Variants in CRAMP1 observed in about 807,000 individuals in gnomAD.
CRAMP1 encodes the protein cramped chromatin regulator 1, also known as protein cramped-like.
Under a neutral mutation model 115.4 loss-of-function variants are expected in CRAMP1, and 50 were observed. The observed-to-expected ratio is 0.43, with a 90% CI of 0.35 to 0.55. The LOEUF (loss-of-function observed/expected upper bound fraction) is 0.55. Among genes scored for constraint, CRAMP1 ranks in the 20% least tolerant of loss-of-function variants. The pLI is 0.01. For synonymous variants in CRAMP1, 866 were observed against 745.4 expected (o/e 1.16, Z -2.64); for missense variants, 1,679 against 1,721.7 (o/e 0.98, Z 0.44).
chr16:1,613,105 C>T (rs948052043), intron 1 of CRAMP1, among the ~76,000 whole-genome samples: 1 of 152,108 alleles, frequency 6.6e-6, no homozygotes, highest in African/African-American at 2.4e-5. Context: ...GCGGGGTTCT[C>T]AGCCCGAGAC....
Position 1,676,127 on chromosome 16 carries a change from T to A in CRAMP1, c.*2082T>A, listed in dbSNP as rs1377101518. On this transcript the variant is annotated 3_prime_UTR_variant, in exon 21 of 21. Coordinates refer to ENST00000397412, the MANE Select transcript of CRAMP1 (RefSeq NM_020825.4). Reference sequence around the variant, plus strand: ...GGGACAGGAGGGTTTGTGAACTGCCTGTCAGGGTACCTGTTAGCCCCTGAC... The same window carrying A: ...GGGACAGGAGGGTTTGTGAACTGCCAGTCAGGGTACCTGTTAGCCCCTGAC... The A allele has an allele frequency of 6.6e-6, 1 of 152,336 alleles. No individual in the cohort carries two copies. Among genetic ancestry groups the A allele is most frequent in the Non-Finnish European group, 1.5e-5 (1 of 68,098 alleles). 9.4% of individuals were successfully genotyped at this position (152,336 alleles called of 1,614,324 possible). A position where few individuals can be genotyped will look rare whatever the true frequency, so the allele number is the denominator to read the frequency against.
rs898340493 is a variant in CRAMP1 at position 1,674,852 on chromosome 16, C to T, written c.*807C>T. 1 of 152,228 alleles carries T rather than the reference C, an allele frequency of 6.6e-6. No individual in the cohort carries two copies. The highest frequency in any genetic ancestry group is 1.5e-5 in the Non-Finnish European group (1 of 68,042). The allele number at this position is 152,228 out of a possible 1,614,324, so 9.4% of individuals were successfully genotyped here. On this transcript the variant is annotated 3_prime_UTR_variant, in exon 21 of 21. Transcript: ENST00000397412. ...TTTCCTTCCTGTGTCCCTTTGCAAGCTTCCAGGCGATCTAAGGTGTCATTT... is the reference window on the plus strand; with the variant it reads ...TTTCCTTCCTGTGTCCCTTTGCAAGTTTCCAGGCGATCTAAGGTGTCATTT...
intron 6 of CRAMP1, among the ~76,000 whole-genome samples, chr16:1,648,030 A>G (rs2036691533): frequency 6.6e-6 from 1 of 152,186 alleles, no homozygotes; most frequent in Admixed American, 6.5e-5. Context: ...AGTCGGTCGC[A>G]GAACTTCCAT....
At chr16:1,624,212 G>A (rs1221891093) in intron 2 of CRAMP1, among the ~76,000 whole-genome samples, 1 of 151,686 alleles carries the variant, frequency 6.6e-6, no homozygotes, top group Non-Finnish European at 1.5e-5. Flanking sequence ...GTGTGCAATG[G>A]CACGATCTCT....
rs1378307245 is a variant in CRAMP1 at position 1,665,311 on chromosome 16, GGCGAGGCAGCTAGTCCA to G, written c.2752+191_2752+207del. 3.9e-5 allele frequency among the ~76,000 whole-genome samples: 6 copies of G among 152,178 alleles called. No homozygotes were observed. The East Asian group carries it at 7.7e-4, about 20-fold the overall frequency. On this transcript the variant is annotated intron_variant, in intron 14 of 20. Coordinates refer to ENST00000397412, the MANE Select transcript of CRAMP1 (RefSeq NM_020825.4). Reference sequence around the variant, plus strand: ...TGCTGGGCTGCAGGCTGCGGTGGCGGGCGAGGCAGCTAGTCCAGCGAGGCAGCTAGTCCAAAGGGTGC... The same window carrying G: ...TGCTGGGCTGCAGGCTGCGGTGGCGGGCGAGGCAGCTAGTCCAAAGGGTGC...
At chr16:1,613,811 C>G (rs1321010748) in intron 1 of CRAMP1, among the ~76,000 whole-genome samples, 2 of 152,202 alleles carry the variant, frequency 1.3e-5, no homozygotes, top group Non-Finnish European at 2.9e-5. Context: ...CCAACCTGTT[C>G]CATGCAACAG....
At chr16:1,665,003 G>T in intron 13 of CRAMP1, 54 bp from the exon 14 acceptor site, 1 of 1,245,810 alleles carries the variant, frequency 8.0e-7, no homozygotes, top group African/African-American at 1.5e-5. Flanking sequence ...AACTGGGAGT[G>T]ATTTTTTGGT....
intron 1 of CRAMP1, among the ~76,000 whole-genome samples, chr16:1,613,861 C>T (rs2036388401): frequency 6.6e-6 from 1 of 152,186 alleles, no homozygotes; most frequent in East Asian, 1.9e-4. Flanking sequence ...AGTAAATCCC[C>T]GCAGCAGCTC....
chr16:1,665,270 C>T, intron 14 of CRAMP1, 132 bp downstream of exon 14: 1 of 689,692 alleles, frequency 1.4e-6, no homozygotes, highest in East Asian at 2.7e-5. Context: ...CCGACAAATA[C>T]CTAATGTGCC....
intron 17 of CRAMP1, 153 bp downstream of exon 17, chr16:1,667,553 A>G: frequency 1.5e-6 from 1 of 663,564 alleles, no homozygotes; most frequent in East Asian, 2.7e-5. Context: ...CCGACTGCCC[A>G]GGGTGGATAA....
At chr16:1,625,855 G>T in intron 2 of CRAMP1, 118 bp from the exon 3 acceptor site, 2 of 1,018,792 alleles carry the variant, frequency 2.0e-6, no homozygotes, top group South Asian at 1.6e-5. Context: ...AGCATCCTCG[G>T]TTGAGGAGTG....
chr16:1,654,403 G>A (rs563248382), intron 8 of CRAMP1, among the ~76,000 whole-genome samples: 4 of 151,982 alleles, frequency 2.6e-5, no homozygotes, highest in Non-Finnish European at 2.9e-5. Flanking sequence ...GTAGAAACGG[G>A]GTTTCACCAT....
intron 13 of CRAMP1, 150 bp from the exon 14 acceptor site, chr16:1,664,907 C>T: frequency 3.1e-6 from 2 of 643,752 alleles, no homozygotes; most frequent in Admixed American, 2.4e-5. Context: ...ACTGTCTGAG[C>T]AGTCCCAGGT....
chr16:1,626,279 G>A (rs1163630507), intron 3 of CRAMP1, 113 bp downstream of exon 3: 1 of 1,058,786 alleles, frequency 9.4e-7, no homozygotes, highest in South Asian at 1.7e-5. Flanking sequence ...AGATTCCTGG[G>A]CGACCCCCGC....
chr16:1,640,317 C>T (rs906027412), intron 5 of CRAMP1, among the ~76,000 whole-genome samples: 7 of 152,118 alleles, frequency 4.6e-5, no homozygotes, highest in African/African-American at 9.7e-5. Flanking sequence ...ACATTGACAC[C>T]GTTGTCTGCT....
intron 2 of CRAMP1, among the ~76,000 whole-genome samples, chr16:1,618,504 G>A (rs1418556774): frequency 6.6e-6 from 1 of 152,136 alleles, no homozygotes; most frequent in Admixed American, 6.5e-5. Flanking sequence ...AGAACACTGG[G>A]GGTGGGGACA....
chr16:1,645,685 C>T (rs986112565), intron 6 of CRAMP1, among the ~76,000 whole-genome samples: 11 of 152,150 alleles, frequency 7.2e-5, no homozygotes, highest in Admixed American at 1.3e-4. Flanking sequence ...CCTGTCACTT[C>T]GTAGTGCCCC....
intron 7 of CRAMP1, 140 bp from the exon 8 acceptor site, chr16:1,652,893 T>A: frequency 9.7e-7 from 1 of 1,028,246 alleles, no homozygotes; most frequent in Non-Finnish European, 1.4e-6. Context: ...TCTTCTTCGC[T>A]GGGGTTTCTC....
chr16:1,628,523 G>A (rs963796625), intron 3 of CRAMP1, among the ~76,000 whole-genome samples: 10 of 152,188 alleles, frequency 6.6e-5, no homozygotes, highest in African/African-American at 2.4e-4. Flanking sequence ...TGAAGTGCTG[G>A]GATTACAGGC....
Sources: allele counts gnomAD v4.1 joint callset (sites outside exome capture counted in the v4.1 genomes callset), GRCh38; gene constraint gnomAD v4.1.1; transcripts MANE v1.5; gene names NCBI Gene and HGNC (gene_info 2026-07-23, HGNC 2026-07-21).